SCAMP1: variants seen among roughly 807,000 people sequenced by gnomAD.
SCAMP1 encodes the protein secretory carrier-associated membrane protein 1.
SCAMP1 carries 15 observed loss-of-function variants against 41.8 expected under a neutral mutation model. The ratio of observed to expected loss-of-function variants is 0.36; its 90% CI spans 0.24 to 0.55. SCAMP1 has a LOEUF of 0.55. Ranked by LOEUF, SCAMP1 falls within the 20% of genes least tolerant of loss-of-function variation. The pLI is 0.86. For missense variants in SCAMP1, 341 were observed against 412.6 expected (o/e 0.83, Z 1.50); for synonymous variants, 135 against 136.8 (o/e 0.99, Z 0.09).
rs370643567 is a variant in SCAMP1, at chr5:78,360,630, C to T, written c.-42C>T. 3 of 1,583,478 alleles carry T rather than the reference C, an allele frequency of 1.9e-6. No homozygotes were observed. The highest frequency in any genetic ancestry group is 2.6e-6 in the Non-Finnish European group (3 of 1,165,234). ...GGCGGCGGCCTCGCCTCGTCTCTCT[C>T]TCTGCGCCTGGGTCGGGTGGGTGAC... On this transcript the variant is annotated 5_prime_UTR_variant, in exon 1 of 9. Transcript: ENST00000621999.
intron 2 of SCAMP1, among the ~76,000 whole-genome samples, chr5:78,391,501 A>G (rs1338267296): frequency 3.4e-5 from 5 of 145,878 alleles, no homozygotes; most frequent in African/African-American, 1.3e-4. Flanking sequence ...CAGGGCGGAG[A>G]CGCTCCTCAC....
At chr5:78,416,844 G>A (rs1752223073) in intron 4 of SCAMP1, among the ~76,000 whole-genome samples, 195 bp downstream of exon 4, 1 of 152,092 alleles carries the variant, frequency 6.6e-6, no homozygotes, top group African/African-American at 2.4e-5. Flanking sequence ...ATAGTCTTTT[G>A]TTGATAGCTT....
At chr5:78,375,245 T>G (rs1751037978) in intron 1 of SCAMP1, among the ~76,000 whole-genome samples, 1 of 152,172 alleles carries the variant, frequency 6.6e-6, no homozygotes, top group African/African-American at 2.4e-5. Context: ...ATATTTATTC[T>G]TTTTCTTCTG....
chr5:78,369,894 G>C (rs1410168381), intron 1 of SCAMP1, among the ~76,000 whole-genome samples: 1 of 152,192 alleles, frequency 6.6e-6, no homozygotes, highest in Non-Finnish European at 1.5e-5. Context: ...TGTGACTTTT[G>C]CCACCCTGGC....
At chr5:78,419,851 C>CT (rs1193355537) in intron 5 of SCAMP1, among the ~76,000 whole-genome samples, 2 of 152,106 alleles carry the variant, frequency 1.3e-5, no homozygotes, top group African/African-American at 2.4e-5. Context: ...AATGGATAGT[C>CT]TATTTTTAAC....
intron 2 of SCAMP1, among the ~76,000 whole-genome samples, chr5:78,408,230 G>C (rs1182910326): frequency 1.3e-5 from 2 of 152,102 alleles, no homozygotes; most frequent in African/African-American, 4.8e-5. Flanking sequence ...CGTGTTACCT[G>C]GTGGCAGGCA....
intron 1 of SCAMP1, among the ~76,000 whole-genome samples, chr5:78,370,257 G>A (rs1750910691): frequency 6.6e-6 from 1 of 152,210 alleles, no homozygotes; most frequent in African/African-American, 2.4e-5. Flanking sequence ...GTGTAGTGGA[G>A]TAATATACTT....
At chr5:78,440,564 C>G (rs1752894241) in intron 6 of SCAMP1, among the ~76,000 whole-genome samples, 1 of 152,210 alleles carries the variant, frequency 6.6e-6, no homozygotes, top group African/African-American at 2.4e-5. Context: ...GATCCTTCCT[C>G]TGGAAGCTTC....
At chr5:78,411,568 A>G (rs1429624845) in intron 2 of SCAMP1, among the ~76,000 whole-genome samples, 5 of 152,082 alleles carry the variant, frequency 3.3e-5, no homozygotes, top group African/African-American at 9.7e-5. Flanking sequence ...ACTTTTTTTA[A>G]TCACTTATTT....
intron 1 of SCAMP1, among the ~76,000 whole-genome samples, chr5:78,376,851 C>CT: frequency 6.6e-6 from 1 of 151,994 alleles, no homozygotes; most frequent in South Asian, 2.1e-4. Context: ...TTTTGTTTTG[C>CT]TTGTGTGCAT....
At chr5:78,415,077 C>G (rs983327148) in intron 2 of SCAMP1, among the ~76,000 whole-genome samples, 1 of 152,016 alleles carries the variant, frequency 6.6e-6, no homozygotes, top group African/African-American at 2.4e-5. Context: ...CCTCAGCCTC[C>G]CAAGTAGCTG....
chr5:78,459,161 G>A (rs1018635754), intron 7 of SCAMP1, 84 bp from the exon 8 acceptor site: 4 of 710,354 alleles, frequency 5.6e-6, no homozygotes, highest in Admixed American at 2.3e-5. Context: ...TGGCTGATAA[G>A]TGTTGAATAT....
intron 2 of SCAMP1, among the ~76,000 whole-genome samples, chr5:78,408,541 C>T (rs1751990490): frequency 6.6e-6 from 1 of 152,102 alleles, no homozygotes; most frequent in South Asian, 2.1e-4. Context: ...TTATCTTGTC[C>T]ATGTGGGTAG....
intron 6 of SCAMP1, among the ~76,000 whole-genome samples, chr5:78,442,709 T>C (rs1443339187): frequency 6.6e-6 from 1 of 152,248 alleles, no homozygotes; most frequent in East Asian, 1.9e-4. Flanking sequence ...TGGCTGATTT[T>C]GTCTGTTTAA....
rs1331671785 is a variant in SCAMP1, at chr5:78,480,597, C to G, written c.*4929C>G. 6.6e-6 allele frequency among the ~76,000 whole-genome samples: 1 copy of G among 152,126 alleles called. No homozygotes were observed. The highest frequency in any genetic ancestry group is 2.1e-4 in the South Asian group (1 of 4,824). The stretch of plus-strand genomic sequence containing the variant: ...GTGGTATCTACAGTATTCTAGTCTC[C>G]TGCACAAAAACTGAACCCACTGGGC... On this transcript the variant is annotated 3_prime_UTR_variant, in exon 9 of 9. Coordinates refer to ENST00000621999, the MANE Select transcript of SCAMP1 (RefSeq NM_004866.6).
intron 8 of SCAMP1, among the ~76,000 whole-genome samples, chr5:78,469,015 T>C (rs1753809790): frequency 6.6e-6 from 1 of 152,140 alleles, no homozygotes; most frequent in Non-Finnish European, 1.5e-5. Context: ...CAAAAAGCCT[T>C]CTGTGTACTT....
chr5:78,361,108 G>A (rs1750636750), intron 1 of SCAMP1: 1 of 210,958 alleles, frequency 4.7e-6, no homozygotes, highest in Non-Finnish European at 9.5e-6. Context: ...GGGAGTCGGC[G>A]GAGGGGGGCC....
rs766469185 is a variant in SCAMP1 at position 78,459,317 on chromosome 5, A to G, written c.807A>G (p.Ala269=). The change falls in exon 8 of 9, where the codon GCA becomes GCG. Residue 269 remains alanine (A), a synonymous_variant. Coordinates refer to ENST00000621999, the MANE Select transcript of SCAMP1 (RefSeq NM_004866.6). ...GAATCATGATGATAATCATAGCAGC[A>G]CTTTTCACAGCATCAGCAGTCATCT... ...PVGIMMIIIA[A]LFTASAVISL... is the part of the protein sequence containing the mutation. 17 of 1,607,884 alleles carry G rather than the reference A, an allele frequency of 1.1e-5. No homozygotes were observed. The highest frequency in any genetic ancestry group is 2.7e-5 in the African/African-American group (2 of 74,820).
intron 6 of SCAMP1, among the ~76,000 whole-genome samples, chr5:78,440,224 C>A (rs1176778287): frequency 6.6e-6 from 1 of 152,162 alleles, no homozygotes; most frequent in East Asian, 1.9e-4. Context: ...CAAAGTCATT[C>A]TCCGTTCAGC....
Sources: gnomAD v4.1 joint callset for allele counts (sites outside exome capture counted in the v4.1 genomes callset) on GRCh38, gnomAD v4.1.1 for gene constraint, MANE v1.5 for transcripts, NCBI Gene and HGNC (gene_info 2026-07-23, HGNC 2026-07-21) for gene names.